Variants in SBNO1 observed in about 807,000 individuals in gnomAD.
The protein encoded by SBNO1 is strawberry notch homolog 1, also known as protein strawberry notch homolog 1.
SBNO1 carries 23 observed loss-of-function variants against 173.6 expected under a neutral mutation model. The ratio of observed to expected loss-of-function variants is 0.13; its 90% CI spans 0.10 to 0.19. SBNO1 has a LOEUF of 0.19. Among genes scored for constraint, SBNO1 ranks in the 10% least tolerant of loss-of-function variants. The pLI is 1.00. For missense variants in SBNO1, 1,238 were observed against 1,671.2 expected, an observed-to-expected ratio of 0.74 and a Z score of 4.52; for synonymous variants, 632 against 571.5, an observed-to-expected ratio of 1.11 and a Z score of -1.51.
intron 1 of SBNO1, among the ~76,000 whole-genome samples, chr12:123,356,328 T>A (rs1422209447): frequency 6.6e-6 from 1 of 152,230 alleles, no homozygotes; most frequent in Non-Finnish European, 1.5e-5. Context: ...TGTTAGTATT[T>A]CATCCAAAAA....
chr12:123,313,151 G>A (rs1472298220), intron 24 of SBNO1, among the ~76,000 whole-genome samples: 4 of 150,706 alleles, frequency 2.7e-5, no homozygotes, highest in South Asian at 2.1e-4. Context: ...GCAGTGAGCC[G>A]AGATCATGCC....
chr12:123,364,196 T>C, intron 1 of SBNO1: 1 of 985,574 alleles, frequency 1.0e-6, no homozygotes, highest in Non-Finnish European at 1.2e-6. Context: ...GGGGTTCAGA[T>C]TTAGGAAGGA....
intron 4 of SBNO1, among the ~76,000 whole-genome samples, chr12:123,343,537 C>CTTTT (rs58841947): frequency 3.0e-5 from 4 of 135,488 alleles, no homozygotes; most frequent in Non-Finnish European, 3.2e-5. Flanking sequence ...CACTTACCAT[C>CTTTT]TTTTTTTTTT....
chr12:123,350,350 G>T lies in SBNO1; in HGVS notation c.92C>A (p.Ala31Glu), dbSNP rs1238942094. The change falls in exon 2 of 32, where the codon GCA becomes GAA. Residue 31 changes from alanine (A) to glutamate (E), a missense_variant. By Grantham distance (107) the Ala-to-Glu change is moderately radical. Around this residue, in one of 14 missense-constraint regions of SBNO1, gnomAD observed 287 missense variants for 274.1 expected, o/e 1.05. Coordinates refer to ENST00000602398, the MANE Select transcript of SBNO1 (RefSeq NM_001167856.3). ...GGTAGGCATTGGAGTTGCAAGCCCT[G>T]CATCTCCACCATCAATATCAAAGAG... ...NDLFDIDGGD[A>E]GLATPMPTPS... 2 of 1,613,858 alleles carry T rather than the reference G, an allele frequency of 1.2e-6. No individual in the cohort carries two copies. Among genetic ancestry groups the T allele is most frequent in the Non-Finnish European group, 1.7e-6 (2 of 1,179,916 alleles).
chr12:123,326,421 G>T, intron 13 of SBNO1, 87 bp from the exon 14 acceptor site: 2 of 739,134 alleles, frequency 2.7e-6, no homozygotes, highest in Non-Finnish European at 4.1e-6. Flanking sequence ...AATGTTAAGT[G>T]CAAGACCATT....
At chr12:123,348,562 C>T (rs998661512) in intron 2 of SBNO1, among the ~76,000 whole-genome samples, 35 of 152,068 alleles carry the variant, frequency 2.3e-4, no homozygotes, top group African/African-American at 8.2e-4. Flanking sequence ...GTCAGGAGAT[C>T]GAGACCATCC....
intron 1 of SBNO1, among the ~76,000 whole-genome samples, chr12:123,354,913 G>A (rs1443662794): frequency 6.6e-6 from 1 of 152,296 alleles, no homozygotes; most frequent in African/African-American, 2.4e-5. Context: ...TTGAAAGCTG[G>A]GTGCGGTGAC....
intron 15 of SBNO1, among the ~76,000 whole-genome samples, chr12:123,324,286 G>A (rs1182788835): frequency 6.6e-6 from 1 of 150,934 alleles, no homozygotes; most frequent in Non-Finnish European, 1.5e-5. Flanking sequence ...ATTATGTACA[G>A]AAAAATATAG....
chr12:123,342,195 A>G (rs1283910361), intron 4 of SBNO1, among the ~76,000 whole-genome samples: 1 of 152,140 alleles, frequency 6.6e-6, no homozygotes, highest in East Asian at 1.9e-4. Context: ...GGCTGCAGTG[A>G]GCTGAGATTG....
Position 123,345,591 on chromosome 12 carries a change from A to C in SBNO1, c.238-21T>G, listed in dbSNP as rs758387921. ...TGCTGCTAGATAGAAAACAAAAAAC[A>C]CACCACTGAAAAATGCTTCATTCTC... On this transcript the variant is annotated intron_variant, in intron 3 of 31. Coordinates refer to ENST00000602398, the MANE Select transcript of SBNO1 (RefSeq NM_001167856.3). 3 of 1,596,448 alleles carry C rather than the reference A, an allele frequency of 1.9e-6. No homozygotes were observed. The South Asian group carries it at 3.3e-5, about 18-fold the overall frequency.
chr12:123,298,433 T>G (rs1258551831), intron 30 of SBNO1, among the ~76,000 whole-genome samples: 1 of 152,130 alleles, frequency 6.6e-6, no homozygotes, highest in Non-Finnish European at 1.5e-5. Context: ...TTGTTTTGTA[T>G]TTTTAGTAGA....
intron 4 of SBNO1, among the ~76,000 whole-genome samples, chr12:123,341,659 T>A (rs1872585240): frequency 1.3e-5 from 2 of 151,838 alleles, no homozygotes; most frequent in Non-Finnish European, 2.9e-5. Flanking sequence ...GTAGCTGGGA[T>A]TACAGGAATG....
chr12:123,340,085 T>C (rs574473536), intron 5 of SBNO1, among the ~76,000 whole-genome samples: 2 of 152,294 alleles, frequency 1.3e-5, no homozygotes, highest in Admixed American at 6.5e-5. Context: ...GAGTAGCACA[T>C]TGCATACCAT....
chr12:123,363,741 C>T (rs910476063), intron 1 of SBNO1: 2 of 540,214 alleles, frequency 3.7e-6, no homozygotes, highest in Non-Finnish European at 4.7e-6. Context: ...CAAAAGCCTC[C>T]CACAGTAAAC....
intron 19 of SBNO1, 106 bp downstream of exon 19, chr12:123,320,326 T>G: frequency 8.9e-7 from 1 of 1,125,062 alleles, no homozygotes; most frequent in Non-Finnish European, 1.3e-6. Context: ...ACAAGAATTC[T>G]ATGATCTAAG....
At chr12:123,360,557 G>C (rs1875023479) in intron 1 of SBNO1, among the ~76,000 whole-genome samples, 1 of 151,840 alleles carries the variant, frequency 6.6e-6, no homozygotes, top group Non-Finnish European at 1.5e-5. Context: ...CGATTCTCCT[G>C]CCTAAGCCTC....
intron 30 of SBNO1, among the ~76,000 whole-genome samples, chr12:123,300,574 C>T (rs548629766): frequency 3.3e-5 from 5 of 152,184 alleles, no homozygotes; most frequent in African/African-American, 9.6e-5. Context: ...AGAAGAATGC[C>T]GTGAACCTGG....
intron 11 of SBNO1, 30 bp downstream of exon 11, chr12:123,327,862 A>T (rs1378595242): frequency 6.3e-7 from 1 of 1,582,146 alleles, no homozygotes; most frequent in East Asian, 2.4e-5. Flanking sequence ...ATAACCTACA[A>T]TATATATTTT....
At position 123,309,327 on chromosome 12, in the gene SBNO1, A is replaced by G; in HGVS notation, c.3613T>C (p.Phe1205Leu). 6.2e-7 allele frequency: 1 copy of G among 1,613,970 alleles called. No homozygotes were observed. The highest frequency in any genetic ancestry group is 8.5e-7 in the Non-Finnish European group (1 of 1,179,820). ...AGTCGTACTTGCAATGACAAGTAAA[A>G]GCCATCGTCTGGTCCTGTCAGCTCA... ...WAELTGPDDGFYLSLQIRNNK... is the reference protein window; with the variant it reads ...WAELTGPDDGLYLSLQIRNNK... Residue 1205 changes from phenylalanine to leucine, a missense_variant, in exon 28 of 32, where the codon TTT becomes CTT. Coordinates refer to ENST00000602398, the MANE Select transcript of SBNO1 (RefSeq NM_001167856.3).
Sources: gnomAD v4.1 joint callset for allele counts (sites outside exome capture counted in the v4.1 genomes callset) on GRCh38, gnomAD v4.1.1 for gene constraint, gnomAD v4.1.1 regional missense constraint, MANE v1.5 for transcripts, NCBI Gene and HGNC (gene_info 2026-07-23, HGNC 2026-07-21) for gene names.